Variants in STN1 observed in about 807,000 individuals in gnomAD.
The protein encoded by STN1 is CST complex subunit STN1.
In STN1, 29 loss-of-function variants were observed where a neutral mutation model predicts 45.5. The ratio of observed to expected loss-of-function variants is 0.64; its 90% CI spans 0.47 to 0.87. The LOEUF is 0.87. Among genes scored for constraint, STN1 ranks in the 40% least tolerant of loss-of-function variants. The pLI, the probability that STN1 is intolerant of heterozygous loss-of-function variation, is 0.00. For missense variants in STN1, 376 were observed against 441.4 expected (o/e 0.85, Z 1.33); for synonymous variants, 148 against 159.0 (o/e 0.93, Z 0.52).
rs1843059552 is a variant in STN1 at position 103,880,251 on chromosome 10, G to A, written c.*2433C>T. Among the ~76,000 whole-genome samples the A allele has an allele frequency of 1.3e-5, 2 of 152,182 alleles. No individual in the cohort carries two copies. Among genetic ancestry groups the A allele is most frequent in the African/African-American group, 4.8e-5 (2 of 41,434 alleles). On this transcript the variant is annotated 3_prime_UTR_variant, in exon 10 of 10. Transcript: ENST00000224950. The stretch of plus-strand genomic sequence containing the variant: ...AGTCCCCTTAATATGGGGGAGTCTG[G>A]GTCTTTTTATGGGCTCAGAATGGGG...
At chr10:103,891,211 G>A (rs1242590690) in intron 8 of STN1, among the ~76,000 whole-genome samples, 9 of 152,150 alleles carry the variant, frequency 5.9e-5, no homozygotes, top group Admixed American at 5.2e-4. Context: ...ATTTGTGACA[G>A]CAAAAGTTAG....
chr10:103,901,407 C>T (rs1043114786), intron 4 of STN1, among the ~76,000 whole-genome samples: 1 of 152,066 alleles, frequency 6.6e-6, no homozygotes, highest in Admixed American at 6.6e-5. Context: ...TTCACTAGCA[C>T]TGTATGGGGG....
chr10:103,900,730 A>T (rs35961396), intron 4 of STN1, among the ~76,000 whole-genome samples: 33,365 of 145,656 alleles, frequency 0.23, 3,861 homozygotes, highest in Admixed American at 0.24. Flanking sequence ...ACACACACAC[A>T]CTCTCTCTCT....
intron 7 of STN1, among the ~76,000 whole-genome samples, chr10:103,892,894 G>GGGTCATCCA (rs1843149011): frequency 6.6e-6 from 1 of 152,096 alleles, no homozygotes; most frequent in Non-Finnish European, 1.5e-5. Flanking sequence ...TGCCTGGGGA[G>GGGTCATCCA]GGTCATCCAG....
At chr10:103,895,637 A>G (rs1843166339) in intron 7 of STN1, among the ~76,000 whole-genome samples, 2 of 152,200 alleles carry the variant, frequency 1.3e-5, no homozygotes. Flanking sequence ...GTATGAAACC[A>G]TGGGTCACTG....
At chr10:103,905,215 T>G (rs1444299830) in intron 3 of STN1, 59 bp from the exon 4 acceptor site, 1 of 1,392,250 alleles carries the variant, frequency 7.2e-7, no homozygotes, top group Non-Finnish European at 1.0e-6. Flanking sequence ...TGAATTAGCA[T>G]GCTGTCATTG....
intron 3 of STN1, among the ~76,000 whole-genome samples, chr10:103,908,565 C>T (rs566652422): frequency 6.6e-6 from 1 of 152,284 alleles, no homozygotes; most frequent in African/African-American, 2.4e-5. Context: ...CTGAGGACAG[C>T]AAGGAGAGGG....
Position 103,877,989 on chromosome 10 carries a change from T to A in STN1, c.*4695A>T, listed in dbSNP as rs116699920. On this transcript the variant is annotated 3_prime_UTR_variant, in exon 10 of 10. Coordinates refer to ENST00000224950, the MANE Select transcript of STN1 (RefSeq NM_024928.5). ...AAATTACAAGTTTACTTGGTTTCAG[T>A]CCTTGGCACTAAGTCTTAGGTTCCT... The A allele has an allele frequency of 6.6e-6, 1 of 152,250 alleles. No individual in the cohort carries two copies. The highest frequency in any genetic ancestry group is 1.5e-5 in the Non-Finnish European group (1 of 68,048). 9.4% of individuals were successfully genotyped at this position (152,250 alleles called of 1,614,324 possible).
In STN1 at chr10:103,878,621, A is replaced by C. The variant is rs1283746051; in HGVS notation, c.*4063T>G. 6.6e-6 allele frequency: 1 copy of C among 152,250 alleles called. No homozygotes were observed. The highest frequency in any genetic ancestry group is 2.4e-5 in the African/African-American group (1 of 41,456). 9.4% of individuals were successfully genotyped at this position (152,250 alleles called of 1,614,324 possible). A position where few individuals can be genotyped will look rare whatever the true frequency, so the allele number is the denominator to read the frequency against. On this transcript the variant is annotated 3_prime_UTR_variant, in exon 10 of 10. Transcript: ENST00000224950. ...ACAGTGGAAGAGTGAGCACTTGCTA[A>C]TTATAAAAATGCCAAAGGATAGCTA...
chr10:103,911,890 C>T (rs1358034598), intron 2 of STN1, among the ~76,000 whole-genome samples: 1 of 151,970 alleles, frequency 6.6e-6, no homozygotes, highest in African/African-American at 2.4e-5. Context: ...AGAAAGAGTC[C>T]AAAGAATGAA....
intron 9 of STN1, among the ~76,000 whole-genome samples, chr10:103,884,338 T>C (rs1843090217): frequency 6.6e-6 from 1 of 152,120 alleles, no homozygotes. Context: ...AACTTTTTCT[T>C]ACCAAACTCA....
At chr10:103,912,784 T>A (rs1213640523) in intron 2 of STN1, among the ~76,000 whole-genome samples, 2 of 152,126 alleles carry the variant, frequency 1.3e-5, no homozygotes, top group African/African-American at 4.8e-5. Context: ...CAGAGTAAAG[T>A]TAGAGAGAAC....
chr10:103,905,160 C>T lies in STN1; in HGVS notation c.230-4G>A, dbSNP rs1328048395. ...ATAACTCCAGTGCTGTCATCCACTG[C>T]AAGAGAAAAGCAAAAGGGTATAAGA... is the stretch of plus-strand genomic sequence containing the variant. On this transcript the variant is annotated splice_polypyrimidine_tract_variant and splice_region_variant and intron_variant, in intron 3 of 9. Transcript: ENST00000224950. 6.2e-7 allele frequency: 1 copy of T among 1,613,730 alleles called. No individual in the cohort carries two copies. Among genetic ancestry groups the T allele is most frequent in the Non-Finnish European group, 8.5e-7 (1 of 1,179,684 alleles).
intron 2 of STN1, among the ~76,000 whole-genome samples, chr10:103,911,259 G>A (rs1320799761): frequency 1.3e-5 from 2 of 152,148 alleles, no homozygotes; most frequent in African/African-American, 2.4e-5. Flanking sequence ...CTGATACCCA[G>A]AGGCTTTTTT....
In STN1 at chr10:103,910,580, A is replaced by G. The variant is rs1472340973; in HGVS notation, c.176T>C (p.Val59Ala). The G allele has an allele frequency of 1.9e-6, 3 of 1,611,252 alleles. No individual in the cohort carries two copies. The African/African-American group carries it at 4.0e-5, about 22-fold the overall frequency. Residue 59 changes from valine to alanine, a missense_variant, in exon 3 of 10, where the codon GTC becomes GCC. Physicochemically the swap from Val to Ala is moderately conservative, Grantham distance 64 (BLOSUM62 0). Transcript: ENST00000224950. ...TCTCACTCCAATGACAGTTCCCAAG[A>G]CATCTACCTGTTTTATTGGATGTCC... is the stretch of plus-strand genomic sequence containing the variant. ...YNGHPIKQVDVLGTVIGVRER... is the reference protein window; with the variant it reads ...YNGHPIKQVDALGTVIGVRER...
At chr10:103,917,804 G>A (rs939901216) in intron 1 of STN1, 148 bp from the exon 2 acceptor site, 1 of 530,114 alleles carries the variant, frequency 1.9e-6, no homozygotes, top group Non-Finnish European at 3.3e-6. Flanking sequence ...GCCACGGGGC[G>A]TGTTAAGAGG....
At chr10:103,900,817 C>A (rs889465395) in intron 4 of STN1, among the ~76,000 whole-genome samples, 2 of 152,002 alleles carry the variant, frequency 1.3e-5, no homozygotes, top group Admixed American at 6.6e-5. Context: ...ATGAAAAAAA[C>A]CCAATGTACA....
At chr10:103,912,934 A>G (rs1843300983) in intron 2 of STN1, among the ~76,000 whole-genome samples, 1 of 152,218 alleles carries the variant, frequency 6.6e-6, no homozygotes, top group African/African-American at 2.4e-5. Flanking sequence ...TCAGAGGCAG[A>G]AAGCAGAGCT....
intron 4 of STN1, among the ~76,000 whole-genome samples, chr10:103,900,730 A>ACTCTCTCT (rs71019699): frequency 1.4e-5 from 2 of 146,204 alleles, no homozygotes; most frequent in African/African-American, 5.0e-5. Context: ...ACACACACAC[A>ACTCTCTCT]CTCTCTCTCT....
Sources: allele counts gnomAD v4.1 joint callset (sites outside exome capture counted in the v4.1 genomes callset), GRCh38; gene constraint gnomAD v4.1.1; transcripts MANE v1.5; gene names NCBI Gene and HGNC (gene_info 2026-07-23, HGNC 2026-07-21).